Variants in EBF2 observed in about 807,000 individuals in gnomAD.
EBF2 encodes the protein EBF transcription factor 2.
In EBF2, 21 loss-of-function variants were observed where a neutral mutation model predicts 72.8. The ratio of observed to expected loss-of-function variants is 0.29; its 90% CI spans 0.20 to 0.42. The LOEUF (loss-of-function observed/expected upper bound fraction) is 0.42, where lower values mean the gene tolerates loss of function less well. Among genes scored for constraint, EBF2 ranks in the 10% least tolerant of loss-of-function variants. EBF2 has a pLI of 1.00. For synonymous variants in EBF2, 299 were observed against 274.2 expected (o/e 1.09, Z -0.89); for missense variants, 637 against 731.2 (o/e 0.87, Z 1.49).
At chr8:25,983,550 A>T (rs558901062) in intron 6 of EBF2, among the ~76,000 whole-genome samples, 5 of 152,164 alleles carry the variant, frequency 3.3e-5, no homozygotes, top group Admixed American at 2.0e-4. Context: ...CCAGCTGTCT[A>T]CTGGGAACTA....
At chr8:25,870,834 C>T (rs1375409722) in intron 10 of EBF2, among the ~76,000 whole-genome samples, 1 of 151,848 alleles carries the variant, frequency 6.6e-6, no homozygotes, top group African/African-American at 2.4e-5. Context: ...AGGTCCCTGC[C>T]AGACTTCATA....
chr8:26,044,661 G>C lies in EBF2; in HGVS notation c.131+68C>G, dbSNP rs986135731. 5.8e-6 allele frequency: 9 copies of C among 1,563,016 alleles called. No individual in the cohort carries two copies. Among genetic ancestry groups the C allele is most frequent in the Middle Eastern group, 4.3e-4 (2 of 4,624 alleles). On this transcript the variant is annotated intron_variant, in intron 1 of 15. Coordinates refer to ENST00000520164, the MANE Select transcript of EBF2 (RefSeq NM_022659.4). This position sits in a 1 kb window ranked among gnomAD's most constrained non-coding sequence, Gnocchi z 4.1. ...GAGAAAGGCACGGGGTGCGCGGGGG[G>C]GGTGCACACGGAGAGACAGACCGTA... is the stretch of plus-strand genomic sequence containing the variant.
intron 6 of EBF2, among the ~76,000 whole-genome samples, chr8:25,955,100 G>C (rs532838303): frequency 1.2e-4 from 19 of 152,312 alleles, no homozygotes; most frequent in African/African-American, 4.3e-4. Flanking sequence ...GGCTGCGGCA[G>C]ACACAAGAAA....
At chr8:25,962,923 G>C (rs1051179314) in intron 6 of EBF2, among the ~76,000 whole-genome samples, 1 of 152,178 alleles carries the variant, frequency 6.6e-6, no homozygotes, top group Non-Finnish European at 1.5e-5. Flanking sequence ...TCACCAGATT[G>C]CAAGGTCCTC....
intron 6 of EBF2, among the ~76,000 whole-genome samples, chr8:25,951,471 C>G (rs935514627): frequency 8.5e-5 from 13 of 152,192 alleles, no homozygotes; most frequent in African/African-American, 3.1e-4. Context: ...GAATCCACCC[C>G]CTCACTTCCC....
At chr8:25,973,364 G>A (rs1804220463) in intron 6 of EBF2, among the ~76,000 whole-genome samples, 1 of 152,106 alleles carries the variant, frequency 6.6e-6, no homozygotes, top group Admixed American at 6.5e-5. Flanking sequence ...CCATTTCAGT[G>A]CCTTTGATCC....
chr8:25,885,807 A>T (rs1395973989), intron 10 of EBF2, among the ~76,000 whole-genome samples: 1 of 151,824 alleles, frequency 6.6e-6, no homozygotes, highest in Non-Finnish European at 1.5e-5. Context: ...GTCCATTGAA[A>T]CTCTTTTTCT....
chr8:26,036,923 A>G (rs993152308), intron 5 of EBF2, among the ~76,000 whole-genome samples: 2 of 152,174 alleles, frequency 1.3e-5, no homozygotes, highest in Non-Finnish European at 2.9e-5. Context: ...AAAATAAATA[A>G]AACAAAGAGA....
At position 25,841,843 on chromosome 8, in the gene EBF2, CAAAA is replaced by C. The variant is rs987624150; in HGVS notation, c.*2762_*2765del. 1.3e-5 allele frequency: 2 copies of C among 151,968 alleles called. No homozygotes were observed. The highest frequency in any genetic ancestry group is 4.8e-5 in the African/African-American group (2 of 41,394). The allele number at this position is 151,968 out of a possible 1,614,324, so 9.4% of individuals were successfully genotyped here. A position where few individuals can be genotyped will look rare whatever the true frequency, so the allele number is the denominator to read the frequency against. ...AAGTAAGACCATTAAAAACAGTAAA[CAAAA>C]AAGCTGTCTTTACAAAAAGCTCTGT... On this transcript the variant is annotated 3_prime_UTR_variant, in exon 16 of 16. Coordinates refer to ENST00000520164, the MANE Select transcript of EBF2 (RefSeq NM_022659.4).
At chr8:25,874,348 C>T (rs1325680444) in intron 10 of EBF2, among the ~76,000 whole-genome samples, 2 of 152,056 alleles carry the variant, frequency 1.3e-5, no homozygotes, top group African/African-American at 4.8e-5. Context: ...ATTTTTCCTC[C>T]CAGCTGCTGC....
intron 8 of EBF2, among the ~76,000 whole-genome samples, chr8:25,889,008 C>A (rs1049146561): frequency 9.9e-5 from 15 of 152,124 alleles, no homozygotes; most frequent in Non-Finnish European, 1.6e-4. Context: ...TTCATTAATT[C>A]CTGTTTACAA....
chr8:25,869,249 T>G (rs1457024961), intron 10 of EBF2, among the ~76,000 whole-genome samples: 2 of 152,182 alleles, frequency 1.3e-5, no homozygotes, highest in Non-Finnish European at 2.9e-5. Flanking sequence ...CTGCTCTGGA[T>G]ATAGAATAGT....
intron 6 of EBF2, among the ~76,000 whole-genome samples, chr8:26,024,170 T>C (rs986342908): frequency 1.3e-5 from 2 of 152,136 alleles, no homozygotes; most frequent in East Asian, 3.9e-4. Context: ...CAACACACTT[T>C]CTTCCTAGAA....
chr8:25,954,309 G>C (rs1307341840), intron 6 of EBF2, among the ~76,000 whole-genome samples: 7 of 152,158 alleles, frequency 4.6e-5, no homozygotes, highest in Non-Finnish European at 1.0e-4. Flanking sequence ...GCTGCCCGTT[G>C]GTGGCTTCCT....
Position 26,042,097 on chromosome 8 carries a change from T to C in EBF2, c.286A>G (p.Lys96Glu), listed in dbSNP as rs1487059430. The change falls in exon 2 of 16, where the codon AAA (lysine) becomes GAA (glutamate). Residue 96 changes from lysine to glutamate, a missense_variant and splice_region_variant. Coordinates refer to ENST00000520164, the MANE Select transcript of EBF2 (RefSeq NM_022659.4). ...TAFVDFVENDKEQGNEKTNNG... is the reference protein window; with the variant it reads ...TAFVDFVENDEEQGNEKTNNG... ...TTTGGGGGGTACTTTCCGCTTACTTTGTCATTCTCCACAAAGTCCACGAAG... is the reference window on the plus strand; with the variant it reads ...TTTGGGGGGTACTTTCCGCTTACTTCGTCATTCTCCACAAAGTCCACGAAG... 6.2e-7 allele frequency: 1 copy of C among 1,613,468 alleles called. No individual in the cohort carries two copies. Among genetic ancestry groups the C allele is most frequent in the Admixed American group, 1.7e-5 (1 of 60,000 alleles).
In EBF2 at chr8:25,853,497, T is replaced by TAGAAAAAGAAA. The variant is rs10692578; in HGVS notation, c.1529-2737_1529-2736insTTTCTTTTTCT. Among the ~76,000 whole-genome samples the TAGAAAAAGAAA allele has an allele frequency of 8.7e-3, 1,316 of 151,614 alleles. 17 individuals are homozygous for TAGAAAAAGAAA. The highest frequency in any genetic ancestry group is 0.03 in the African/African-American group (1,253 of 41,350). ...AAGATCTTATTTTCCACTCACTAAA[T>TAGAAAAAGAAA]AGAAAAACTTAACAGGGCGGGGAAA... On this transcript the variant is annotated intron_variant, in intron 14 of 15. Coordinates refer to ENST00000520164, the MANE Select transcript of EBF2 (RefSeq NM_022659.4).
At chr8:25,984,822 T>C (rs529810608) in intron 6 of EBF2, among the ~76,000 whole-genome samples, 3 of 152,092 alleles carry the variant, frequency 2.0e-5, no homozygotes, top group East Asian at 3.9e-4. Context: ...TTGAGATTTT[T>C]ACAGAGTGAG....
At chr8:25,931,665 G>C (rs980043177) in intron 6 of EBF2, among the ~76,000 whole-genome samples, 1 of 152,108 alleles carries the variant, frequency 6.6e-6, no homozygotes, top group African/African-American at 2.4e-5. Context: ...TTAATAAACA[G>C]TGATGGATGG....
At chr8:26,032,951 T>C (rs1174673041) in intron 6 of EBF2, 134 bp downstream of exon 6, 3 of 777,196 alleles carry the variant, frequency 3.9e-6, no homozygotes, top group Non-Finnish European at 4.3e-6. Context: ...GAGGAGGCCT[T>C]TGTTGGATGA....
Sources: allele counts gnomAD v4.1 joint callset (sites outside exome capture counted in the v4.1 genomes callset), GRCh38; gene constraint gnomAD v4.1.1; non-coding constraint Gnocchi (gnomAD v3.1); transcripts MANE v1.5; gene names NCBI Gene and HGNC (gene_info 2026-07-23, HGNC 2026-07-21).